The following AKR1C1 variants were observed in gnomAD, a reference collection of about 807,000 sequenced individuals.
AKR1C1 encodes the protein aldo-keto reductase family 1 member C1.
AKR1C1 carries 32 observed loss-of-function variants against 40.6 expected under a neutral mutation model. The ratio of observed to expected loss-of-function variants is 0.79; its 90% CI spans 0.60 to 1.06. The LOEUF (loss-of-function observed/expected upper bound fraction) is 1.06, where lower values mean the gene tolerates loss of function less well. Ranked by LOEUF, AKR1C1 falls within the 50% of genes least tolerant of loss-of-function variation. AKR1C1 has a pLI of 0.00. For synonymous variants in AKR1C1, 105 were observed against 134.2 expected, an observed-to-expected ratio of 0.78 and a Z score of 1.50; for missense variants, 320 against 363.5, an observed-to-expected ratio of 0.88 and a Z score of 0.97.
chr10:4,974,465 T>C (rs1394570047), intron 7 of AKR1C1, among the ~76,000 whole-genome samples: 1 of 152,098 alleles, frequency 6.6e-6, no homozygotes, highest in Non-Finnish European at 1.5e-5. Flanking sequence ...TGCCTCTTTC[T>C]TGTGGTTGGT....
At chr10:4,964,039 G>A (rs1034075876) in intron 1 of AKR1C1, 46 of 554,828 alleles carry the variant, frequency 8.3e-5, no homozygotes, top group African/African-American at 5.5e-4. Context: ...TACCTGAAAC[G>A]ATAAAATATC....
In AKR1C1 at chr10:4,974,315, T is replaced by C. The variant is rs7085135; in HGVS notation, c.847-1536T>C. On this transcript the variant is annotated intron_variant, in intron 7 of 8. Transcript: ENST00000380872. Reference sequence around the variant, plus strand: ...CTAGAAACCATACATATATATGTATTTATTCTGGATATTAATTCTTTAGAG... The same window carrying C: ...CTAGAAACCATACATATATATGTATCTATTCTGGATATTAATTCTTTAGAG... Among the ~76,000 whole-genome samples the C allele has an allele frequency of 3.1e-3, 472 of 151,984 alleles. 5 individuals are homozygous for C. Among genetic ancestry groups the C allele is most frequent in the African/African-American group, 0.011 (449 of 41,516 alleles).
chr10:4,966,113 T>A, intron 2 of AKR1C1, 32 bp downstream of exon 2: 1 of 1,591,150 alleles, frequency 6.3e-7, no homozygotes, highest in African/African-American at 1.3e-5. Flanking sequence ...TGTGTGCACA[T>A]GTATTTATTG....
rs200972237 is a variant in AKR1C1 at position 4,963,511 on chromosome 10, A to C, written c.67A>C (p.Thr23Pro). ...GHFMPVLGFG[T>P]YAPAEVPKSK... Reference sequence around the variant, plus strand: ...CTTCATGCCTGTCCTGGGATTTGGCACCTATGCGCCTGCAGAGGTAACAAT... The same window carrying C: ...CTTCATGCCTGTCCTGGGATTTGGCCCCTATGCGCCTGCAGAGGTAACAAT... Residue 23 changes from threonine (T) to proline (P), a missense_variant, in exon 1 of 9, where the codon ACC becomes CCC. Physicochemically the swap from Thr to Pro is conservative, Grantham distance 38. Around this residue, in one of 3 missense-constraint regions of AKR1C1, gnomAD observed 214 missense variants for 214.8 expected, o/e 1.00. Coordinates refer to ENST00000380872, the MANE Select transcript of AKR1C1 (RefSeq NM_001353.6). 2.6e-4 allele frequency: 415 copies of C among 1,613,456 alleles called. 1 individual carries two copies. Among genetic ancestry groups the C allele is most frequent in the Middle Eastern group, 8.2e-4 (5 of 6,062 alleles).
chr10:4,969,176 A>T (rs1423725907), intron 5 of AKR1C1, among the ~76,000 whole-genome samples: 2 of 152,220 alleles, frequency 1.3e-5, no homozygotes, highest in African/African-American at 2.4e-5. Flanking sequence ...ATGGGAGGTC[A>T]ATTCAATCAA....
chr10:4,965,449 T>C (rs1836314663), intron 1 of AKR1C1: 2 of 152,776 alleles, frequency 1.3e-5, no homozygotes, highest in African/African-American at 4.8e-5. Flanking sequence ...TTTTTTCTAT[T>C]TTTAGTAGAG....
chr10:4,974,700 A>AT (rs1193124420), intron 7 of AKR1C1, among the ~76,000 whole-genome samples: 1 of 151,990 alleles, frequency 6.6e-6, no homozygotes, highest in African/African-American at 2.4e-5. Flanking sequence ...ACATAACTTG[A>AT]TTTTTTTACC....
Position 4,968,901 on chromosome 10 carries a change from T to C in AKR1C1, c.527T>C (p.Ile176Thr), listed in dbSNP as rs752466317. The C allele has an allele frequency of 1.2e-6, 2 of 1,614,162 alleles. No individual in the cohort carries two copies. Among genetic ancestry groups the C allele is most frequent in the South Asian group, 2.2e-5 (2 of 91,082 alleles). Reference protein sequence around the residue: ...SNFNRRQLEMILNKPGLKYKP... With the variant: ...SNFNRRQLEMTLNKPGLKYKP... Reference sequence around the variant, plus strand: ...TTCAACCGCAGGCAGCTGGAGATGATCCTCAACAAGCCAGGGCTCAAGTAC... The same window carrying C: ...TTCAACCGCAGGCAGCTGGAGATGACCCTCAACAAGCCAGGGCTCAAGTAC... The change falls in exon 5 of 9, where the codon ATC (isoleucine) becomes ACC (threonine). Residue 176 changes from isoleucine (I) to threonine (T), a missense_variant. Ile to Thr is a moderately conservative substitution (Grantham distance 89, BLOSUM62 -1). Around this residue, in one of 3 missense-constraint regions of AKR1C1, gnomAD observed 214 missense variants for 214.8 expected, o/e 1.00. Transcript: ENST00000380872.
chr10:4,967,021 T>C lies in AKR1C1; in HGVS notation c.347T>C (p.Ile116Thr), dbSNP rs754167286. 1.2e-6 allele frequency: 2 copies of C among 1,613,898 alleles called. No homozygotes were observed. The highest frequency in any genetic ancestry group is 1.7e-6 in the Non-Finnish European group (2 of 1,179,790). The change falls in exon 3 of 9, where the codon ATT becomes ACT. Residue 116 changes from isoleucine (I) to threonine (T), a missense_variant. Ile to Thr is a moderately conservative substitution (Grantham distance 89). Coordinates refer to ENST00000380872, the MANE Select transcript of AKR1C1 (RefSeq NM_001353.6). ...LQLDYVDLYL[I>T]HFPVSVKPGE... ...TTGGATTATGTTGACCTCTACCTTA[T>C]TCATTTTCCAGTGTCTGTAAAGGTA...
chr10:4,982,981 G>C lies in AKR1C1; in HGVS notation c.*5239G>C. On this transcript the variant is annotated 3_prime_UTR_variant, in exon 9 of 9. Coordinates refer to ENST00000380872, the MANE Select transcript of AKR1C1 (RefSeq NM_001353.6). ...AGCACACTAAGCCTATCTACAGCCA[G>C]GGAGTCTCAGAGTCTACGTCACTCC... 2.2e-6 allele frequency: 1 copy of C among 448,306 alleles called. No homozygotes were observed. The allele number at this position is 448,306 out of a possible 1,614,324, so 27.8% of individuals were successfully genotyped here.
chr10:4,981,908 C>T lies in AKR1C1; in HGVS notation c.*4166C>T, dbSNP rs575604268. The T allele has an allele frequency of 6.6e-6, 1 of 152,380 alleles. No individual in the cohort carries two copies. The highest frequency in any genetic ancestry group is 2.4e-5 in the African/African-American group (1 of 41,570). 9.4% of individuals were successfully genotyped at this position (152,380 alleles called of 1,614,324 possible). A position where few individuals can be genotyped will look rare whatever the true frequency, so the allele number is the denominator to read the frequency against. On this transcript the variant is annotated 3_prime_UTR_variant, in exon 9 of 9. Transcript: ENST00000380872. ...CAGCGTGTAAGCTGATGATCTGAGG[C>T]TGGTCAGAGTTCTGTGCGCAGACTG...
At position 4,963,430 on chromosome 10, in the gene AKR1C1, A is replaced by G. The variant is rs1836278998; in HGVS notation, c.-15A>G. 6.2e-7 allele frequency: 1 copy of G among 1,613,876 alleles called. No homozygotes were observed. The highest frequency in any genetic ancestry group is 1.1e-5 in the South Asian group (1 of 91,072). ...AGGAAGAAAGAAACATTTGCCAGCCAGGCTAGTGACAGAAATGGATTCGAA... is the reference window on the plus strand; with the variant it reads ...AGGAAGAAAGAAACATTTGCCAGCCGGGCTAGTGACAGAAATGGATTCGAA... On this transcript the variant is annotated 5_prime_UTR_variant, in exon 1 of 9. Coordinates refer to ENST00000380872, the MANE Select transcript of AKR1C1 (RefSeq NM_001353.6).
At chr10:4,964,317 A>G (rs1434646142) in intron 1 of AKR1C1, among the ~76,000 whole-genome samples, 2 of 152,196 alleles carry the variant, frequency 1.3e-5, no homozygotes, top group East Asian at 3.8e-4. Context: ...TTTCTGATCT[A>G]TACAATATAA....
rs1211227828 is a variant in AKR1C1 at position 4,982,099 on chromosome 10, G to A, written c.*4357G>A. ...TGAGGTCGGGGCATGGAAAAATACTGAGGCAGTGTGTGTATGTTATTTGTG... is the reference window on the plus strand; with the variant it reads ...TGAGGTCGGGGCATGGAAAAATACTAAGGCAGTGTGTGTATGTTATTTGTG... On this transcript the variant is annotated 3_prime_UTR_variant, in exon 9 of 9. Coordinates refer to ENST00000380872, the MANE Select transcript of AKR1C1 (RefSeq NM_001353.6). 2 of 152,324 alleles carry A rather than the reference G, an allele frequency of 1.3e-5. No individual in the cohort carries two copies. The highest frequency in any genetic ancestry group is 2.9e-5 in the Non-Finnish European group (2 of 68,178). 9.4% of individuals were successfully genotyped at this position (152,324 alleles called of 1,614,324 possible). A position where few individuals can be genotyped will look rare whatever the true frequency, so the allele number is the denominator to read the frequency against.
chr10:4,974,717 A>G (rs73600977), intron 7 of AKR1C1, among the ~76,000 whole-genome samples: 34 of 152,232 alleles, frequency 2.2e-4, no homozygotes, highest in African/African-American at 8.2e-4. Context: ...TACCTGTAAC[A>G]TATATGAAAT....
chr10:4,965,393 T>G (rs903775674), intron 1 of AKR1C1: 5 of 152,446 alleles, frequency 3.3e-5, no homozygotes, highest in African/African-American at 7.2e-5. Flanking sequence ...TGCCCCAGCC[T>G]CCCCAGTAGC....
At chr10:4,976,518 T>A (rs1214205942) in intron 8 of AKR1C1, among the ~76,000 whole-genome samples, 1 of 152,204 alleles carries the variant, frequency 6.6e-6, no homozygotes, top group African/African-American at 2.4e-5. Flanking sequence ...TCTGTCTTAG[T>A]GAAGCGAATA....
rs1836288659 is a variant in AKR1C1, at chr10:4,963,953, C to A, written c.84+425C>A. 1.2e-5 allele frequency: 9 copies of A among 738,982 alleles called. No homozygotes were observed. The East Asian group carries it at 2.0e-4, about 16-fold the overall frequency. The allele number at this position is 738,982 out of a possible 1,614,324, so 45.8% of individuals were successfully genotyped here. ...AGAGTATCACTGTTCTGATGGGCGGCCTTGAGCACCACACTGTAATACTAG... is the reference window on the plus strand; with the variant it reads ...AGAGTATCACTGTTCTGATGGGCGGACTTGAGCACCACACTGTAATACTAG... On this transcript the variant is annotated intron_variant, in intron 1 of 8. Coordinates refer to ENST00000380872, the MANE Select transcript of AKR1C1 (RefSeq NM_001353.6).
rs1836381758 is a variant in AKR1C1 at position 4,969,065 on chromosome 10, G to T, written c.570+121G>T. 5.1e-6 allele frequency: 8 copies of T among 1,561,410 alleles called. No individual in the cohort carries two copies. In the Admixed American group the frequency reaches 7.5e-5, roughly 15 times the overall value. ...AAAAGAGAAGATTCTAGAGAGCAAA[G>T]ACTCTGTCTCGAAGGGCATAGAGGG... On this transcript the variant is annotated intron_variant, in intron 5 of 8. Transcript: ENST00000380872.
Sources: gnomAD v4.1 joint callset for allele counts (sites outside exome capture counted in the v4.1 genomes callset) on GRCh38, gnomAD v4.1.1 for gene constraint, gnomAD v4.1.1 regional missense constraint, MANE v1.5 for transcripts, NCBI Gene and HGNC (gene_info 2026-07-23, HGNC 2026-07-21) for gene names.